The following ST3GAL2 variants were observed in gnomAD, a reference collection of about 807,000 sequenced individuals.
ST3GAL2 encodes the protein ST3 beta-galactoside alpha-2,3-sialyltransferase 2.
In ST3GAL2, 16 loss-of-function variants were observed where a neutral mutation model predicts 37.5. The observed-to-expected ratio is 0.43, with a 90% CI of 0.29 to 0.65. The LOEUF (loss-of-function observed/expected upper bound fraction) is 0.65. Ranked by LOEUF, ST3GAL2 falls within the 30% of genes least tolerant of loss-of-function variation. The pLI is 0.17. For synonymous variants in ST3GAL2, 238 were observed against 202.9 expected (o/e 1.17, Z -1.47); for missense variants, 383 against 487.8 (o/e 0.79, Z 2.02).
At position 70,381,842 on chromosome 16, in the gene ST3GAL2, C is replaced by T. The variant is rs767950645; in HGVS notation, c.900G>A (p.Gly300=). ...VCDEVNVYGF[G]ADSRGNWHHY... ...GGTGCCAGTTGCCCCGGCTGTCGGC[C>T]CCGAACCCGTACACGTTCACCTGCG... Residue 300 remains glycine, a synonymous_variant, in exon 7 of 7, where the codon GGG becomes GGA. Coordinates refer to ENST00000342907, the MANE Select transcript of ST3GAL2 (RefSeq NM_006927.4). 28 of 1,613,798 alleles carry T rather than the reference C, an allele frequency of 1.7e-5. No homozygotes were observed. Among genetic ancestry groups the T allele is most frequent in the Non-Finnish European group, 2.1e-5 (25 of 1,179,940 alleles).
At chr16:70,404,841 G>A (rs2047578511) in intron 1 of ST3GAL2, among the ~76,000 whole-genome samples, 3 of 151,936 alleles carry the variant, frequency 2.0e-5, no homozygotes. Context: ...AAGACCATCT[G>A]GCCAACTTGG....
chr16:70,398,390 C>T lies in ST3GAL2; in HGVS notation c.141G>A (p.Arg47=), dbSNP rs1338088115. Residue 47 remains arginine, a synonymous_variant, in exon 2 of 7, where the codon CGG becomes CGA. Coordinates refer to ENST00000342907, the MANE Select transcript of ST3GAL2 (RefSeq NM_006927.4). ...LDSGALDGTH[R]VKLVPGYAGL... ...CGGCATAGCCGGGCACCAGCTTCAC[C>T]CGGTGCGTCCCATCCAGGGCCCCTG... 6.2e-7 allele frequency: 1 copy of T among 1,613,512 alleles called. No homozygotes were observed. The highest frequency in any genetic ancestry group is 1.3e-5 in the African/African-American group (1 of 74,966).
Position 70,382,867 on chromosome 16 carries a change from G to A in ST3GAL2, c.817C>T (p.His273Tyr). 6.2e-7 allele frequency: 1 copy of A among 1,614,140 alleles called. No individual in the cohort carries two copies. ...KYIHDRWTEH[H>Y]GRYPSTGMLV... ...ATCCCCGTGGAAGGGTACCGCCCGT[G>A]ATGCTCTGTCCACCTGTCGTGGATA... The change falls in exon 6 of 7, where the codon CAC (histidine) becomes TAC (tyrosine). Residue 273 changes from histidine (H) to tyrosine (Y), a missense_variant. This residue lies in a region of ST3GAL2 where 160 missense variants were observed against 248.6 expected (regional missense o/e 0.64). Coordinates refer to ENST00000342907, the MANE Select transcript of ST3GAL2 (RefSeq NM_006927.4).
intron 1 of ST3GAL2, among the ~76,000 whole-genome samples, chr16:70,410,419 T>TC (rs1567673063): frequency 6.7e-6 from 1 of 150,280 alleles, no homozygotes; most frequent in Non-Finnish European, 1.5e-5. Context: ...CCCGGCTAAT[T>TC]TTTTTTTGTA....
chr16:70,409,967 A>G (rs1296639202), intron 1 of ST3GAL2, among the ~76,000 whole-genome samples: 1 of 150,744 alleles, frequency 6.6e-6, no homozygotes, highest in Non-Finnish European at 1.5e-5. Context: ...ATGTCTTGCT[A>G]TGTTGCCCAG....
At chr16:70,416,131 C>T (rs576203710) in intron 1 of ST3GAL2, among the ~76,000 whole-genome samples, 6 of 152,100 alleles carry the variant, frequency 3.9e-5, no homozygotes, top group African/African-American at 7.2e-5. Flanking sequence ...CTCTTCCTCC[C>T]GGATGATCGC....
chr16:70,389,172 G>T (rs1254388602), intron 3 of ST3GAL2, among the ~76,000 whole-genome samples: 1 of 100,792 alleles, frequency 9.9e-6, no homozygotes, highest in Admixed American at 1.6e-4. Context: ...GAGGTCAGGA[G>T]ATCGAGACCA....
At chr16:70,388,226 C>T in intron 4 of ST3GAL2, 141 bp downstream of exon 4, 2 of 1,023,044 alleles carry the variant, frequency 2.0e-6, no homozygotes, top group Admixed American at 2.2e-5. Context: ...TCAGCTCACC[C>T]ACCAACTTAG....
At chr16:70,438,352 C>A (rs1701394288) in intron 1 of ST3GAL2, among the ~76,000 whole-genome samples, 1 of 152,142 alleles carries the variant, frequency 6.6e-6, no homozygotes, top group African/African-American at 2.4e-5. Context: ...AGGTTCAGAC[C>A]AGCCTCCACG....
intron 1 of ST3GAL2, among the ~76,000 whole-genome samples, chr16:70,406,545 G>A (rs2047593316): frequency 6.6e-6 from 1 of 151,966 alleles, no homozygotes; most frequent in Non-Finnish European, 1.5e-5. Context: ...ACTTTGGGAT[G>A]CCGAGGGTGG....
Position 70,381,752 on chromosome 16 carries a change from G to T in ST3GAL2, c.990C>A (p.Phe330Leu). Residue 330 changes from phenylalanine (F) to leucine (L), a missense_variant, in exon 7 of 7, where the codon TTC becomes TTA. Physicochemically the swap from Phe to Leu is conservative, Grantham distance 22. Around this residue, in one of 2 missense-constraint regions of ST3GAL2, gnomAD observed 160 missense variants for 248.6 expected, o/e 0.64. Transcript: ENST00000342907. Reference protein sequence around the residue: ...FRKTGVHDADFEAHIIDMLAK... With the variant: ...FRKTGVHDADLEAHIIDMLAK... ...CCAGCATGTCGATGATGTGGGCCTC[G>T]AAGTCCGCGTCGTGCACGCCAGTCT... The T allele has an allele frequency of 6.2e-7, 1 of 1,614,096 alleles. No individual in the cohort carries two copies. Among genetic ancestry groups the T allele is most frequent in the Non-Finnish European group, 8.5e-7 (1 of 1,179,954 alleles).
intron 2 of ST3GAL2, among the ~76,000 whole-genome samples, chr16:70,395,696 T>C (rs1265760530): frequency 1.3e-5 from 2 of 152,032 alleles, no homozygotes; most frequent in Non-Finnish European, 2.9e-5. Context: ...AAAACTGGTG[T>C]CCCCTCCTAC....
intron 2 of ST3GAL2, among the ~76,000 whole-genome samples, chr16:70,397,155 C>G (rs2047522676): frequency 1.3e-5 from 2 of 151,182 alleles, no homozygotes; most frequent in African/African-American, 4.9e-5. Context: ...ATTCTCCTGC[C>G]TCAGCCTCCT....
At chr16:70,415,406 CG>C (rs2047669603) in intron 1 of ST3GAL2, among the ~76,000 whole-genome samples, 1 of 152,188 alleles carries the variant, frequency 6.6e-6, no homozygotes, top group Non-Finnish European at 1.5e-5. Context: ...TCACAAGAAA[CG>C]GATAAACCTA....
intron 1 of ST3GAL2, among the ~76,000 whole-genome samples, chr16:70,416,705 G>C (rs2047678943): frequency 6.6e-6 from 1 of 151,372 alleles, no homozygotes; most frequent in Non-Finnish European, 1.5e-5. Context: ...TGACATTCTA[G>C]AAGTGAGAGC....
At chr16:70,383,307 T>G (rs1027959274) in intron 4 of ST3GAL2, 72 bp from the exon 5 acceptor site, 2 of 1,458,702 alleles carry the variant, frequency 1.4e-6, no homozygotes, top group Middle Eastern at 2.1e-4. Flanking sequence ...TCCCAGCACT[T>G]TGGGAGGCTG....
intron 4 of ST3GAL2, among the ~76,000 whole-genome samples, chr16:70,387,656 G>C (rs2047452143): frequency 6.6e-6 from 1 of 152,162 alleles, no homozygotes. Flanking sequence ...AAATAGGTGA[G>C]ATGTATGGGA....
chr16:70,413,759 T>C (rs1281319892), intron 1 of ST3GAL2, among the ~76,000 whole-genome samples: 1 of 119,524 alleles, frequency 8.4e-6, no homozygotes, highest in Non-Finnish European at 2.0e-5. Flanking sequence ...AATAAATAAA[T>C]AAATAAATAA....
At chr16:70,393,090 T>TA (rs1239126500) in intron 3 of ST3GAL2, among the ~76,000 whole-genome samples, 1 of 151,566 alleles carries the variant, frequency 6.6e-6, no homozygotes, top group African/African-American at 2.4e-5. Flanking sequence ...CTATAAATTT[T>TA]TTTTTTTTTT....
Sources: gnomAD v4.1 joint callset for allele counts (sites outside exome capture counted in the v4.1 genomes callset) on GRCh38, gnomAD v4.1.1 for gene constraint, gnomAD v4.1.1 regional missense constraint, MANE v1.5 for transcripts, NCBI Gene and HGNC (gene_info 2026-07-23, HGNC 2026-07-21) for gene names.